Variants in ABAT observed in about 807,000 individuals in gnomAD.
ABAT encodes 4-aminobutyrate aminotransferase, mitochondrial.
In ABAT, 45 loss-of-function variants were observed where a neutral mutation model predicts 64.6. That is an observed-to-expected ratio of 0.70 (90% CI 0.55 to 0.89). The LOEUF (loss-of-function observed/expected upper bound fraction) is 0.89. Among genes scored for constraint, ABAT ranks in the 40% least tolerant of loss-of-function variants. The pLI is 0.00. For missense variants in ABAT, 633 were observed against 658.4 expected, an observed-to-expected ratio of 0.96 and a Z score of 0.42; for synonymous variants, 297 against 250.5, an observed-to-expected ratio of 1.19 and a Z score of -1.75.
intron 1 of ABAT, among the ~76,000 whole-genome samples, chr16:8,693,683 G>T (rs1237180818): frequency 1.3e-5 from 2 of 152,164 alleles, no homozygotes; most frequent in Non-Finnish European, 2.9e-5. Context: ...TGGCCAGGCT[G>T]GTCTTGAACT....
At chr16:8,695,106 A>G (rs560948941) in intron 1 of ABAT, among the ~76,000 whole-genome samples, 92 of 152,240 alleles carry the variant, frequency 6.0e-4, no homozygotes, top group African/African-American at 2.2e-3. Context: ...GACTGTCCCT[A>G]TGAGCTCAGT....
At chr16:8,682,544 A>G (rs146562423) in intron 1 of ABAT, among the ~76,000 whole-genome samples, 17 of 152,274 alleles carry the variant, frequency 1.1e-4, no homozygotes, top group African/African-American at 4.1e-4. Context: ...TAGTAGAATC[A>G]CCGGCGGCCA....
intron 6 of ABAT, among the ~76,000 whole-genome samples, chr16:8,759,782 A>C (rs1458026098): frequency 1.3e-5 from 2 of 152,074 alleles, no homozygotes; most frequent in East Asian, 3.9e-4. Flanking sequence ...GGGCTCAAGT[A>C]ATCCTCCTGC....
intron 1 of ABAT, among the ~76,000 whole-genome samples, chr16:8,710,508 G>A (rs146316250): frequency 1.3e-5 from 2 of 152,120 alleles, no homozygotes; most frequent in Non-Finnish European, 2.9e-5. Context: ...GAGGCGAGGT[G>A]AGAGGATTGC....
chr16:8,701,803 G>A, intron 1 of ABAT, among the ~76,000 whole-genome samples: 1 of 152,196 alleles, frequency 6.6e-6, no homozygotes, highest in Non-Finnish European at 1.5e-5. Flanking sequence ...AGACAGGGCG[G>A]GAGCCCCTGG....
intron 1 of ABAT, among the ~76,000 whole-genome samples, chr16:8,710,727 A>G (rs7499026): frequency 0.22 from 22,370 of 103,598 alleles, 2,898 homozygotes; most frequent in Middle Eastern, 0.41. Context: ...AGAGAGAGAG[A>G]GAGGAAATAG....
At chr16:8,739,937 G>T (rs1243263570) in intron 2 of ABAT, among the ~76,000 whole-genome samples, 1 of 151,182 alleles carries the variant, frequency 6.6e-6, no homozygotes, top group East Asian at 1.9e-4. Flanking sequence ...CCAGAATATG[G>T]TTTTTTAAGA....
chr16:8,735,500 C>G (rs1567293721), intron 1 of ABAT, among the ~76,000 whole-genome samples, 199 bp from the exon 2 acceptor site: 1 of 152,184 alleles, frequency 6.6e-6, no homozygotes, highest in Non-Finnish European at 1.5e-5. Context: ...AGTCCTCGGT[C>G]TCCCAGTGTG....
At chr16:8,715,642 A>AC (rs2058194779) in intron 1 of ABAT, 1 of 142,812 alleles carries the variant, frequency 7.0e-6, no homozygotes. Flanking sequence ...CTAAAAAAAA[A>AC]AAAAAAAAAA....
intron 1 of ABAT, among the ~76,000 whole-genome samples, chr16:8,705,259 GGA>G (rs956254328): frequency 5.3e-5 from 8 of 151,018 alleles, no homozygotes; most frequent in African/African-American, 1.5e-4. Context: ...CAAGGTGGCA[GGA>G]GAGAGAGAGA....
chr16:8,691,372 C>G (rs2057577177), intron 1 of ABAT, among the ~76,000 whole-genome samples: 1 of 152,108 alleles, frequency 6.6e-6, no homozygotes, highest in African/African-American at 2.4e-5. Flanking sequence ...TAATACATCA[C>G]ATTGGAGCAG....
chr16:8,761,922 C>T (rs2059807911), intron 6 of ABAT, among the ~76,000 whole-genome samples: 1 of 152,198 alleles, frequency 6.6e-6, no homozygotes, highest in African/African-American at 2.4e-5. Context: ...TCCCTTAGAT[C>T]TAATATCTGG....
intron 1 of ABAT, among the ~76,000 whole-genome samples, chr16:8,729,782 A>C (rs1339579872): frequency 6.7e-6 from 1 of 148,232 alleles, no homozygotes; most frequent in African/African-American, 2.5e-5. Context: ...AGCAATGATC[A>C]CGCCACTGCT....
intron 9 of ABAT, 133 bp from the exon 10 acceptor site, chr16:8,768,060 T>G: frequency 1.1e-6 from 1 of 908,962 alleles, no homozygotes; most frequent in East Asian, 2.5e-5. Context: ...ATTGGTCCCA[T>G]GGGTAACTTT....
chr16:8,757,301 G>A, intron 5 of ABAT: 2 of 383,914 alleles, frequency 5.2e-6, no homozygotes, highest in Non-Finnish European at 1.0e-5. Flanking sequence ...CCGAGTACCT[G>A]GGATTACAGG....
At chr16:8,701,524 A>C (rs574007872) in intron 1 of ABAT, among the ~76,000 whole-genome samples, 4 of 152,220 alleles carry the variant, frequency 2.6e-5, no homozygotes, top group African/African-American at 4.8e-5. Context: ...TCTGCTCTTC[A>C]CTATCCGATG....
At chr16:8,699,506 C>T (rs189002408) in intron 1 of ABAT, among the ~76,000 whole-genome samples, 6 of 152,052 alleles carry the variant, frequency 3.9e-5, no homozygotes, top group African/African-American at 1.4e-4. Context: ...TGCAGTGAGC[C>T]GAGGTCGTGC....
chr16:8,747,981 G>C, intron 3 of ABAT, 127 bp from the exon 4 acceptor site: 1 of 827,332 alleles, frequency 1.2e-6, no homozygotes, highest in Non-Finnish European at 2.0e-6. Flanking sequence ...TAATATGGTT[G>C]ACTAATAAAA....
At position 8,706,298 on chromosome 16, in the gene ABAT, C is replaced by T. The variant is rs149762185; in HGVS notation, c.-41-29401C>T. Reference sequence around the variant, plus strand: ...GGTGGCACACACCAGTAGTCCCAGCCGAGAGGCTGAGGTGGGAGGATCACC... The same window carrying T: ...GGTGGCACACACCAGTAGTCCCAGCTGAGAGGCTGAGGTGGGAGGATCACC... On this transcript the variant is annotated intron_variant, in intron 1 of 15. Coordinates refer to ENST00000268251, the MANE Select transcript of ABAT (RefSeq NM_020686.6). Among the ~76,000 whole-genome samples the T allele has an allele frequency of 5.6e-3, 843 of 149,566 alleles. 2 individuals carry two copies. Among genetic ancestry groups the T allele is most frequent in the African/African-American group, 0.019 (789 of 40,846 alleles).
Sources: allele counts gnomAD v4.1 joint callset (sites outside exome capture counted in the v4.1 genomes callset), GRCh38; gene constraint gnomAD v4.1.1; transcripts MANE v1.5; gene names NCBI Gene and HGNC (gene_info 2026-07-23, HGNC 2026-07-21).